Variants in NCOA2 observed in about 807,000 individuals in gnomAD.
The protein encoded by NCOA2 is nuclear receptor coactivator 2, also known as class E basic helix-loop-helix protein 75.
NCOA2 carries 21 observed loss-of-function variants against 145.1 expected under a neutral mutation model. That is an observed-to-expected ratio of 0.14 (90% CI 0.10 to 0.21). NCOA2 has a LOEUF of 0.21. Ranked by LOEUF, NCOA2 falls within the 10% of genes least tolerant of loss-of-function variation. The probability of loss-of-function intolerance (pLI) is 1.00; values close to 1 mark genes in which losing one functional copy is unlikely to be tolerated. For missense variants in NCOA2, 1,472 were observed against 1,837.6 expected (o/e 0.80, Z 3.64); for synonymous variants, 619 against 637.5 (o/e 0.97, Z 0.44).
the NCOA2 span, among the ~76,000 whole-genome samples, chr8:70,451,417 A>AG: frequency 6.8e-6 from 1 of 148,080 alleles, no homozygotes; most frequent in East Asian, 1.9e-4. Flanking sequence ...AAAAAAAAAA[A>AG]AAAAGGAGGA....
At chr8:70,250,417 A>AAAG (rs1823060604) in intron 2 of NCOA2, among the ~76,000 whole-genome samples, 1 of 145,590 alleles carries the variant, frequency 6.9e-6, no homozygotes, top group South Asian at 2.1e-4. Context: ...AAAAAAAAAA[A>AAAG]AAAAGTCAGC....
chr8:70,274,876 G>A (rs1471633439), intron 2 of NCOA2, among the ~76,000 whole-genome samples: 2 of 152,104 alleles, frequency 1.3e-5, no homozygotes, highest in South Asian at 2.1e-4. Context: ...GAAGATGCTC[G>A]CTCACTCCAC....
intron 4 of NCOA2, among the ~76,000 whole-genome samples, chr8:70,189,118 T>G (rs1337384093): frequency 1.3e-5 from 2 of 152,188 alleles, no homozygotes; most frequent in African/African-American, 2.4e-5. Flanking sequence ...TTCTTTTTCC[T>G]CCGGACACGC....
At chr8:70,453,022 C>T in the NCOA2 span, among the ~76,000 whole-genome samples, 2 of 152,188 alleles carry the variant, frequency 1.3e-5, no homozygotes, top group South Asian at 2.1e-4. Flanking sequence ...CAAGGTCAGA[C>T]TGAAATTCTA....
Position 70,111,696 on chromosome 8 carries a change from G to A in NCOA2, c.*1936C>T, listed in dbSNP as rs1806548152. ...ACTGTCTACTTACCATCTATCTTTG[G>A]GCTATATCTCTTCCTATATTTCCAT... On this transcript the variant is annotated 3_prime_UTR_variant, in exon 23 of 23. Transcript: ENST00000452400. 4.6e-6 allele frequency: 1 copy of A among 215,284 alleles called. No homozygotes were observed. Among genetic ancestry groups the A allele is most frequent in the South Asian group, 1.9e-4 (1 of 5,364 alleles). 13.3% of individuals were successfully genotyped at this position (215,284 alleles called of 1,614,324 possible). A position where few individuals can be genotyped will look rare whatever the true frequency, so the allele number is the denominator to read the frequency against.
intron 15 of NCOA2, among the ~76,000 whole-genome samples, chr8:70,137,625 T>A (rs939451090): frequency 6.6e-6 from 1 of 152,198 alleles, no homozygotes; most frequent in Non-Finnish European, 1.5e-5. Context: ...AACCACCACC[T>A]CCAAGTATGA....
intron 2 of NCOA2, among the ~76,000 whole-genome samples, chr8:70,260,929 A>G (rs908216241): frequency 2.2e-4 from 33 of 152,166 alleles, no homozygotes; most frequent in African/African-American, 6.3e-4. Flanking sequence ...TTAGAATGGC[A>G]ATCATTAAAA....
Position 70,128,432 on chromosome 8 carries a change from C to T in NCOA2, c.3681+1G>A. 1 of 1,610,700 alleles carries T rather than the reference C, an allele frequency of 6.2e-7. No individual in the cohort carries two copies. Among genetic ancestry groups the T allele is most frequent in the South Asian group, 1.1e-5 (1 of 90,404 alleles). On this transcript the variant is annotated splice_donor_variant, in intron 18 of 22. Transcript: ENST00000452400. LOFTEE classifies it high-confidence loss of function. The stretch of plus-strand genomic sequence containing the variant: ...AGCTAATGGCTGGTATGTTGCCTTA[C>T]CTGTGTTGGTACTCCAGGCCTCAGA...
intron 2 of NCOA2, among the ~76,000 whole-genome samples, chr8:70,230,029 G>A (rs1421199637): frequency 1.3e-5 from 2 of 152,178 alleles, no homozygotes; most frequent in Non-Finnish European, 2.9e-5. Context: ...TTACTTTGTA[G>A]AGTCTGAAAA....
chr8:70,305,974 C>T (rs1262228175), intron 1 of NCOA2, among the ~76,000 whole-genome samples: 1 of 152,142 alleles, frequency 6.6e-6, no homozygotes, highest in Non-Finnish European at 1.5e-5. Flanking sequence ...AAATGTCACT[C>T]AGAAGAAATG....
In NCOA2 at chr8:70,112,236, G is replaced by C; in HGVS notation, c.*1396C>G. On this transcript the variant is annotated 3_prime_UTR_variant, in exon 23 of 23. Coordinates refer to ENST00000452400, the MANE Select transcript of NCOA2 (RefSeq NM_006540.4). ...ACAAATTAGGTCTAATCAAGGCATT[G>C]ATATCCTTTACAAAACACCTTTAGG... 1 of 201,526 alleles carries C rather than the reference G, an allele frequency of 5.0e-6. No individual in the cohort carries two copies. Among genetic ancestry groups the C allele is most frequent in the Non-Finnish European group, 1.0e-5 (1 of 97,680 alleles). 12.5% of individuals were successfully genotyped at this position (201,526 alleles called of 1,614,324 possible). A position where few individuals can be genotyped will look rare whatever the true frequency, so the allele number is the denominator to read the frequency against.
At chr8:70,178,284 A>G (rs1267498549) in intron 4 of NCOA2, among the ~76,000 whole-genome samples, 2 of 152,238 alleles carry the variant, frequency 1.3e-5, no homozygotes, top group East Asian at 3.8e-4. Context: ...AGGGCCTACA[A>G]TTTAAATTGG....
intron 1 of NCOA2, among the ~76,000 whole-genome samples, chr8:70,364,316 A>C (rs1399510922): frequency 6.6e-6 from 1 of 152,218 alleles, no homozygotes; most frequent in Non-Finnish European, 1.5e-5. Flanking sequence ...CAGTATGTGG[A>C]AAGTGGAGAA....
chr8:70,234,927 C>G (rs553391434), intron 2 of NCOA2, among the ~76,000 whole-genome samples: 1 of 152,316 alleles, frequency 6.6e-6, no homozygotes, highest in Admixed American at 6.5e-5. Context: ...TAAAAACCAT[C>G]TGATTTTCAT....
Position 70,111,181 on chromosome 8 carries a change from T to C in NCOA2, c.*2451A>G. On this transcript the variant is annotated 3_prime_UTR_variant, in exon 23 of 23. Transcript: ENST00000452400. ...ATCACGAATTATTATAAATTACCAGTATCATGAAGTTGCGGATTTGTCTGA... is the reference window on the plus strand; with the variant it reads ...ATCACGAATTATTATAAATTACCAGCATCATGAAGTTGCGGATTTGTCTGA... The C allele has an allele frequency of 4.5e-6, 1 of 222,458 alleles. No homozygotes were observed. Among genetic ancestry groups the C allele is most frequent in the Non-Finnish European group, 9.0e-6 (1 of 111,288 alleles). 13.8% of individuals were successfully genotyped at this position (222,458 alleles called of 1,614,324 possible).
At chr8:70,334,910 G>A (rs1346455450) in intron 1 of NCOA2, among the ~76,000 whole-genome samples, 1 of 151,780 alleles carries the variant, frequency 6.6e-6, no homozygotes, top group Non-Finnish European at 1.5e-5. Flanking sequence ...GATCACCTGA[G>A]GTCAGGAGTT....
chr8:70,322,122 G>A (rs1479367804), intron 1 of NCOA2, among the ~76,000 whole-genome samples: 2 of 151,080 alleles, frequency 1.3e-5, no homozygotes, highest in Non-Finnish European at 2.9e-5. Flanking sequence ...TCTCCAGAGG[G>A]GGAAAAAAAA....
At chr8:70,292,074 CAAA>C (rs371226539) in intron 2 of NCOA2, among the ~76,000 whole-genome samples, 4 of 94,026 alleles carry the variant, frequency 4.3e-5, no homozygotes, top group African/African-American at 3.3e-5. Context: ...GACGCCGTCT[CAAA>C]AAAAAAAAAA....
At chr8:70,454,974 T>C in the NCOA2 span, among the ~76,000 whole-genome samples, 2 of 152,204 alleles carry the variant, frequency 1.3e-5, no homozygotes, top group Non-Finnish European at 2.9e-5. Flanking sequence ...GCTTTGAAAA[T>C]AGAAGTACTA....
Sources: gnomAD v4.1 joint callset for allele counts (sites outside exome capture counted in the v4.1 genomes callset) on GRCh38, gnomAD v4.1.1 for gene constraint, MANE v1.5 for transcripts, NCBI Gene and HGNC (gene_info 2026-07-23, HGNC 2026-07-21) for gene names.